KCNAB1: variants seen among roughly 807,000 people sequenced by gnomAD.
KCNAB1 encodes potassium voltage-gated channel subfamily A regulatory beta subunit 1.
Under a neutral mutation model 64.6 loss-of-function variants are expected in KCNAB1, and 35 were observed. The ratio of observed to expected loss-of-function variants is 0.54; its 90% CI spans 0.41 to 0.72. The LOEUF (loss-of-function observed/expected upper bound fraction) is 0.72, where lower values mean the gene tolerates loss of function less well. Among genes scored for constraint, KCNAB1 ranks in the 30% least tolerant of loss-of-function variants. The pLI, the probability that KCNAB1 is intolerant of heterozygous loss-of-function variation, is 0.00. For synonymous variants in KCNAB1, 177 were observed against 183.8 expected, an observed-to-expected ratio of 0.96 and a Z score of 0.30; for missense variants, 401 against 512.9, an observed-to-expected ratio of 0.78 and a Z score of 2.11.
intron 1 of KCNAB1, chr3:156,142,882 G>A (rs967337558): frequency 1.1e-5 from 7 of 626,948 alleles, no homozygotes; most frequent in Non-Finnish European, 1.4e-5. Context: ...TTTCCCCAGG[G>A]CCAGTACATA....
intron 1 of KCNAB1, among the ~76,000 whole-genome samples, chr3:156,283,963 G>C (rs1424343827): frequency 5.9e-5 from 9 of 151,818 alleles, no homozygotes; most frequent in South Asian, 2.1e-4. Flanking sequence ...TCTTCTCTCA[G>C]CTCGTCAAAG....
chr3:156,500,138 C>T (rs1490315864), intron 8 of KCNAB1, among the ~76,000 whole-genome samples: 1 of 152,164 alleles, frequency 6.6e-6, no homozygotes, highest in Non-Finnish European at 1.5e-5. Context: ...ACAGGAACAG[C>T]CTAGAGTAAA....
chr3:156,445,879 A>G (rs899961152), intron 2 of KCNAB1, among the ~76,000 whole-genome samples: 1 of 152,194 alleles, frequency 6.6e-6, no homozygotes, highest in African/African-American at 2.4e-5. Flanking sequence ...AAACCATAGA[A>G]TCATGAAATA....
At chr3:156,478,118 T>C (rs1312582144) in intron 8 of KCNAB1, among the ~76,000 whole-genome samples, 1 of 152,196 alleles carries the variant, frequency 6.6e-6, no homozygotes, top group Non-Finnish European at 1.5e-5. Context: ...ATTTTTCAAA[T>C]GTGGTGAAAA....
intron 1 of KCNAB1, among the ~76,000 whole-genome samples, chr3:156,323,081 C>G (rs543784032): frequency 6.6e-6 from 1 of 152,324 alleles, no homozygotes; most frequent in African/African-American, 2.4e-5. Context: ...GTGCACTGAT[C>G]AGCAGGCCCT....
At chr3:156,462,912 C>CT (rs1713032198) in intron 5 of KCNAB1, among the ~76,000 whole-genome samples, 1 of 152,086 alleles carries the variant, frequency 6.6e-6, no homozygotes, top group South Asian at 2.1e-4. Flanking sequence ...GATCATAATG[C>CT]TAGGATTGCA....
At chr3:156,443,845 T>C (rs1717201251) in intron 2 of KCNAB1, among the ~76,000 whole-genome samples, 1 of 152,074 alleles carries the variant, frequency 6.6e-6, no homozygotes, top group South Asian at 2.1e-4. Context: ...CCCACCTTTA[T>C]TTCTCCTGGC....
intron 1 of KCNAB1, among the ~76,000 whole-genome samples, chr3:156,263,254 T>TA (rs1439349742): frequency 6.6e-6 from 1 of 151,988 alleles, no homozygotes; most frequent in Middle Eastern, 3.2e-3. Flanking sequence ...TACTTTCTGA[T>TA]ATAGGTGTTT....
chr3:156,275,931 A>G (rs1445869316), intron 1 of KCNAB1, among the ~76,000 whole-genome samples: 1 of 151,790 alleles, frequency 6.6e-6, no homozygotes, highest in Non-Finnish European at 1.5e-5. Context: ...TAAATCACAA[A>G]TGTTCTTAAT....
intron 1 of KCNAB1, among the ~76,000 whole-genome samples, chr3:156,150,442 C>T (rs77704353): frequency 0.011 from 1,682 of 152,160 alleles, 29 homozygotes; most frequent in African/African-American, 0.039. Context: ...TTTGTTTATG[C>T]AGCATGACGA....
At chr3:156,372,583 A>G (rs1399840061) in intron 1 of KCNAB1, among the ~76,000 whole-genome samples, 2 of 152,222 alleles carry the variant, frequency 1.3e-5, no homozygotes, top group Non-Finnish European at 2.9e-5. Context: ...AGAACCACTG[A>G]ATTGTACAAG....
intron 1 of KCNAB1, among the ~76,000 whole-genome samples, chr3:156,240,945 AACTCTGGG>A (rs79570582): frequency 0.053 from 8,127 of 152,280 alleles, 244 homozygotes; most frequent in East Asian, 0.11. Context: ...CTGTGAGGGA[AACTCTGGG>A]AACTGGTGTA....
chr3:156,216,349 T>C (rs1312039066), intron 1 of KCNAB1, among the ~76,000 whole-genome samples: 1 of 152,206 alleles, frequency 6.6e-6, no homozygotes, highest in Admixed American at 6.5e-5. Context: ...TGCTGCAGAT[T>C]GCTGCTGAAA....
chr3:156,200,039 T>C (rs1235607311), intron 1 of KCNAB1, among the ~76,000 whole-genome samples: 2 of 152,240 alleles, frequency 1.3e-5, no homozygotes. Context: ...CTGATGTTAT[T>C]GCTTTCTGTT....
intron 1 of KCNAB1, among the ~76,000 whole-genome samples, chr3:156,357,850 C>G (rs932837323): frequency 6.9e-6 from 1 of 145,614 alleles, no homozygotes; most frequent in Non-Finnish European, 1.5e-5. Context: ...AGTTTTTATA[C>G]TAAATCTTCA....
At chr3:156,272,308 T>G (rs1318460535) in intron 1 of KCNAB1, among the ~76,000 whole-genome samples, 1 of 152,214 alleles carries the variant, frequency 6.6e-6, no homozygotes, top group South Asian at 2.1e-4. Context: ...CAAGTTCCCC[T>G]GGGCCCCAGG....
chr3:156,403,336 G>C (rs1714031933), intron 1 of KCNAB1, among the ~76,000 whole-genome samples: 1 of 152,194 alleles, frequency 6.6e-6, no homozygotes, highest in South Asian at 2.1e-4. Flanking sequence ...CCAAGGACCT[G>C]AGGAACAAGC....
At chr3:156,470,755 T>G (rs1161423892) in intron 7 of KCNAB1, among the ~76,000 whole-genome samples, 1 of 152,178 alleles carries the variant, frequency 6.6e-6, no homozygotes, top group Non-Finnish European at 1.5e-5. Context: ...ACTTTTTAAT[T>G]AATAACAAAT....
intron 1 of KCNAB1, among the ~76,000 whole-genome samples, chr3:156,340,395 A>G (rs1435545049): frequency 6.6e-6 from 1 of 152,220 alleles, no homozygotes; most frequent in Non-Finnish European, 1.5e-5. Flanking sequence ...GGGCATTGAG[A>G]CCATCACAGT....
Sources: allele counts gnomAD v4.1 joint callset (sites outside exome capture counted in the v4.1 genomes callset), GRCh38; gene constraint gnomAD v4.1.1; transcripts MANE v1.5; gene names NCBI Gene and HGNC (gene_info 2026-07-23, HGNC 2026-07-21).